Variants in XRN2 observed in about 807,000 individuals in gnomAD.
The protein encoded by XRN2 is DHM1-like protein.
A neutral mutation model predicts 138.5 loss-of-function variants in XRN2; 44 were observed. The observed-to-expected ratio is 0.32, with a 90% confidence interval of 0.25 to 0.41. The LOEUF is 0.41. XRN2 is among the 10% of genes least tolerant of loss of function. XRN2 has a pLI of 1.00. For synonymous variants in XRN2, 354 were observed against 369.4 expected (o/e 0.96, Z 0.48); for missense variants, 937 against 1,169.3 (o/e 0.80, Z 2.90).
intron 28 of XRN2, among the ~76,000 whole-genome samples, chr20:21,383,227 C>G (rs906884406): frequency 2.0e-5 from 3 of 152,158 alleles, no homozygotes; most frequent in African/African-American, 7.2e-5. Flanking sequence ...GTTCTGAAAG[C>G]ACACAGTATG....
chr20:21,347,705 A>G (rs1006067240), intron 17 of XRN2, among the ~76,000 whole-genome samples: 2 of 152,216 alleles, frequency 1.3e-5, no homozygotes, highest in African/African-American at 4.8e-5. Context: ...AATGAAACTC[A>G]TGGCTGTTTT....
chr20:21,303,909 T>C, intron 1 of XRN2: 1 of 961,248 alleles, frequency 1.0e-6, no homozygotes, highest in Non-Finnish European at 1.2e-6. Context: ...GACAACCTTG[T>C]AAAGGAATCC....
chr20:21,339,610 T>TG (rs1289234283), intron 14 of XRN2, among the ~76,000 whole-genome samples: 1 of 152,190 alleles, frequency 6.6e-6, no homozygotes, highest in Admixed American at 6.5e-5. Context: ...GCCATATCCC[T>TG]GCTGATTAAG....
At chr20:21,309,442 C>A (rs1328013196) in intron 1 of XRN2, among the ~76,000 whole-genome samples, 1 of 152,162 alleles carries the variant, frequency 6.6e-6, no homozygotes, top group Non-Finnish European at 1.5e-5. Flanking sequence ...CAAGCTTGTC[C>A]AACCTGTGGC....
At chr20:21,341,497 A>G (rs1474668033) in intron 15 of XRN2, among the ~76,000 whole-genome samples, 1 of 152,154 alleles carries the variant, frequency 6.6e-6, no homozygotes, top group Non-Finnish European at 1.5e-5. Context: ...TGGTAATCCA[A>G]ACTCCAGAAG....
Position 21,332,409 on chromosome 20 carries a change from G to A in XRN2, c.827G>A (p.Cys276Tyr). 1 of 1,611,736 alleles carries A rather than the reference G, an allele frequency of 6.2e-7. No homozygotes were observed. The highest frequency in any genetic ancestry group is 8.5e-7 in the Non-Finnish European group (1 of 1,178,790). ...CAGTTTGGACATGAGGTCAAAGATT[G>A]TGAAGGTTTGCCAAGAGAAAAGAAG... is the stretch of plus-strand genomic sequence containing the variant. ...CNQFGHEVKDCEGLPREKKGK... is the reference protein window; with the variant it reads ...CNQFGHEVKDYEGLPREKKGK... The change falls in exon 9 of 30, where the codon TGT (cysteine) becomes TAT (tyrosine). Residue 276 changes from cysteine to tyrosine, a missense_variant. By Grantham distance (194) the Cys-to-Tyr change is radical. Coordinates refer to ENST00000377191, the MANE Select transcript of XRN2 (RefSeq NM_012255.5).
chr20:21,331,503 A>AT, intron 6 of XRN2, 58 bp from the exon 7 acceptor site: 1 of 1,440,344 alleles, frequency 6.9e-7, no homozygotes. Flanking sequence ...AATTCTTTTG[A>AT]TTTTTGTGCC....
intron 27 of XRN2, among the ~76,000 whole-genome samples, chr20:21,370,615 A>G (rs1309345635): frequency 6.6e-6 from 1 of 152,196 alleles, no homozygotes; most frequent in Admixed American, 6.5e-5. Flanking sequence ...CTTTAGGTAG[A>G]CTATACCTTT....
chr20:21,377,231 A>G (rs1410870395), intron 27 of XRN2, among the ~76,000 whole-genome samples: 1 of 147,440 alleles, frequency 6.8e-6, no homozygotes, highest in Non-Finnish European at 1.5e-5. Context: ...ATATTCTTTA[A>G]GCATAGTCCA....
intron 4 of XRN2, 110 bp downstream of exon 4, chr20:21,328,780 C>T: frequency 3.3e-6 from 3 of 908,816 alleles, no homozygotes; most frequent in Non-Finnish European, 5.1e-6. Context: ...TAATAAGGAT[C>T]CCAGAATATC....
At position 21,368,499 on chromosome 20, in the gene XRN2, C is replaced by T. The variant is rs1315747242; in HGVS notation, c.2493C>T (p.Tyr831=). ...CAAGAGGCTCAGGAACTGGCATTTA[C>T]AGCAATGCTGCACCACCACCTGTGA... The part of the protein sequence containing the change: ...VMPRGSGTGI[Y]SNAAPPPVTY... The change falls in exon 27 of 30, where the codon TAC becomes TAT. Residue 831 remains tyrosine (Y), a synonymous_variant. Coordinates refer to ENST00000377191, the MANE Select transcript of XRN2 (RefSeq NM_012255.5). 6.2e-6 allele frequency: 10 copies of T among 1,613,886 alleles called. No individual in the cohort carries two copies. The highest frequency in any genetic ancestry group is 6.8e-6 in the Non-Finnish European group (8 of 1,179,946).
chr20:21,308,458 A>G (rs1403171275), intron 1 of XRN2, among the ~76,000 whole-genome samples: 2 of 152,158 alleles, frequency 1.3e-5, no homozygotes, highest in Non-Finnish European at 2.9e-5. Context: ...TGGTTGTGCC[A>G]TTTTACATTG....
intron 22 of XRN2, 49 bp downstream of exon 22, chr20:21,356,226 G>C: frequency 6.9e-7 from 1 of 1,446,926 alleles, no homozygotes; most frequent in Admixed American, 2.0e-5. Context: ...TAAAATTTTG[G>C]TAAAATATGC....
At chr20:21,349,723 A>G (rs2122256794) in intron 20 of XRN2, among the ~76,000 whole-genome samples, 1 of 152,224 alleles carries the variant, frequency 6.6e-6, no homozygotes, top group South Asian at 2.1e-4. Flanking sequence ...AGCCTGGAAG[A>G]CAGAGTGAGG....
In XRN2 at chr20:21,363,793, A is replaced by G. The variant is rs191643422; in HGVS notation, c.2256-1628A>G. On this transcript the variant is annotated intron_variant, in intron 24 of 29. Coordinates refer to ENST00000377191, the MANE Select transcript of XRN2 (RefSeq NM_012255.5). ...TTTTTAACTGACTGTAAGTGTAATC[A>G]TTGGAGGAATTTTGAAAAATATGTT... Among the ~76,000 whole-genome samples the G allele has an allele frequency of 3.0e-3, 463 of 152,342 alleles. 2 individuals carry two copies. The highest frequency in any genetic ancestry group is 3.7e-3 in the Non-Finnish European group (249 of 68,036).
At chr20:21,327,796 A>G (rs1007500049) in intron 3 of XRN2, among the ~76,000 whole-genome samples, 74 of 152,136 alleles carry the variant, frequency 4.9e-4, no homozygotes, top group African/African-American at 1.7e-3. Context: ...CAGAAAAGGG[A>G]ATTGTTTAAA....
At chr20:21,362,068 A>C (rs936466668) in intron 24 of XRN2, among the ~76,000 whole-genome samples, 1 of 152,058 alleles carries the variant, frequency 6.6e-6, no homozygotes, top group African/African-American at 2.4e-5. Context: ...TCTATCTCCT[A>C]ATGGTTTGTA....
chr20:21,308,283 T>C (rs1211936510), intron 1 of XRN2, among the ~76,000 whole-genome samples: 1 of 152,256 alleles, frequency 6.6e-6, no homozygotes, highest in African/African-American at 2.4e-5. Context: ...TTTCCAGTTT[T>C]TGGCTTTCTG....
At chr20:21,359,214 A>G (rs1431884229) in intron 24 of XRN2, among the ~76,000 whole-genome samples, 3 of 152,172 alleles carry the variant, frequency 2.0e-5, no homozygotes, top group Admixed American at 2.0e-4. Flanking sequence ...TATTTAGTAC[A>G]TACTATGTTC....
Sources: gnomAD v4.1 joint callset for allele counts (sites outside exome capture counted in the v4.1 genomes callset) on GRCh38, gnomAD v4.1.1 for gene constraint, MANE v1.5 for transcripts, NCBI Gene and HGNC (gene_info 2026-07-23, HGNC 2026-07-21) for gene names.